The following AGBL1 variants were observed in gnomAD, a reference collection of about 807,000 sequenced individuals.
AGBL1 encodes AGBL carboxypeptidase 1.
Under a neutral mutation model 118.9 loss-of-function variants are expected in AGBL1, and 130 were observed. The ratio of observed to expected loss-of-function variants is 1.09; its 90% CI spans 0.95 to 1.26. The LOEUF (loss-of-function observed/expected upper bound fraction) is 1.26. Among genes scored for constraint, AGBL1 ranks in the 50% most tolerant of loss-of-function variants. The pLI, the probability that AGBL1 is intolerant of heterozygous loss-of-function variation, is 0.00. For missense variants in AGBL1, 1,584 were observed against 1,298.1 expected (o/e 1.22, Z -3.38); for synonymous variants, 555 against 478.9 (o/e 1.16, Z -2.08).
intron 18 of AGBL1, among the ~76,000 whole-genome samples, chr15:86,431,925 AC>A (rs2081940388): frequency 6.6e-6 from 1 of 152,152 alleles, no homozygotes; most frequent in South Asian, 2.1e-4. Flanking sequence ...CCCCAGGGCT[AC>A]TGGGCTGTGT....
At chr15:86,363,367 G>A (rs1053529147) in intron 17 of AGBL1, among the ~76,000 whole-genome samples, 1 of 152,012 alleles carries the variant, frequency 6.6e-6, no homozygotes, top group African/African-American at 2.4e-5. Flanking sequence ...CATATTCTTT[G>A]TAACTTTCTG....
rs76412038 is a variant in AGBL1, at chr15:86,891,618, A to G, written c.3159-15469A>G. ...CAAGCAAGGGAGTGGGTATCTTTTG[A>G]ATGCTGAAACAATAGTAGCTTGAGC... On this transcript the variant is annotated intron_variant, in intron 22 of 22. Transcript: ENST00000614907. 4.3e-3 allele frequency among the ~76,000 whole-genome samples: 647 copies of G among 151,786 alleles called. 6 individuals carry two copies. Among genetic ancestry groups the G allele is most frequent in the African/African-American group, 0.015 (608 of 41,490 alleles).
chr15:86,436,905 T>G lies in AGBL1; in HGVS notation c.2555+39359T>G, dbSNP rs553383373. Among the ~76,000 whole-genome samples, 21 of 152,218 alleles carry G rather than the reference T, an allele frequency of 1.4e-4. No individual in the cohort carries two copies. In the South Asian group the frequency reaches 4.1e-3, roughly 30 times the overall value. Reference sequence around the variant, plus strand: ...TAATCACCAAAGTTGGGCCTTCTAGTATGTTTCAAGACTCTGTAACTCACC... The same window carrying G: ...TAATCACCAAAGTTGGGCCTTCTAGGATGTTTCAAGACTCTGTAACTCACC... On this transcript the variant is annotated intron_variant, in intron 18 of 22. Coordinates refer to ENST00000614907, the MANE Select transcript of AGBL1 (RefSeq NM_001386094.1).
At chr15:86,694,086 T>C (rs1050865079) in intron 22 of AGBL1, among the ~76,000 whole-genome samples, 2 of 152,092 alleles carry the variant, frequency 1.3e-5, no homozygotes, top group South Asian at 2.1e-4. Context: ...AGGCTCTTTT[T>C]TGGTTCCATA....
At chr15:86,536,860 G>GGCT (rs1299085305) in intron 19 of AGBL1, among the ~76,000 whole-genome samples, 1 of 152,168 alleles carries the variant, frequency 6.6e-6, no homozygotes, top group Non-Finnish European at 1.5e-5. Context: ...TTTGCCATAA[G>GGCT]GCTGCTCTCC....
intron 18 of AGBL1, among the ~76,000 whole-genome samples, chr15:86,421,788 A>C (rs905936658): frequency 1.3e-5 from 2 of 152,206 alleles, no homozygotes; most frequent in Non-Finnish European, 2.9e-5. Context: ...GAAAAAAAGC[A>C]GGGGTTGCAA....
In AGBL1 at chr15:86,339,711, G is replaced by A. The variant is rs1319784274; in HGVS notation, c.2374+44303G>A. ...CGGCCGGGCGCAGTGGCTCATGCCT[G>A]TAATCCCAGCACTTTGGGAGGCCGA... On this transcript the variant is annotated intron_variant, in intron 17 of 22. Coordinates refer to ENST00000614907, the MANE Select transcript of AGBL1 (RefSeq NM_001386094.1). Among the ~76,000 whole-genome samples, 5 of 152,150 alleles carry A rather than the reference G, an allele frequency of 3.3e-5. No individual in the cohort carries two copies. The South Asian group carries it at 6.2e-4, about 19-fold the overall frequency.
intron 21 of AGBL1, among the ~76,000 whole-genome samples, chr15:86,637,221 G>GA (rs1351112472): frequency 2.6e-5 from 4 of 152,066 alleles, no homozygotes; most frequent in Non-Finnish European, 5.9e-5. Context: ...GATGTGTTAA[G>GA]AAAAAATAGA....
chr15:86,750,755 C>G (rs908982064), intron 22 of AGBL1, among the ~76,000 whole-genome samples: 20 of 151,768 alleles, frequency 1.3e-4, no homozygotes, highest in African/African-American at 4.6e-4. Context: ...AGCCTAGTAC[C>G]TCTTAGTTAT....
At chr15:86,781,537 GT>G (rs1334081310) in intron 22 of AGBL1, among the ~76,000 whole-genome samples, 1 of 152,064 alleles carries the variant, frequency 6.6e-6, no homozygotes, top group African/African-American at 2.4e-5. Flanking sequence ...CTTAGAGATC[GT>G]TTTAAGACAC....
At chr15:86,853,943 A>T (rs1422717097) in intron 22 of AGBL1, among the ~76,000 whole-genome samples, 6 of 152,192 alleles carry the variant, frequency 3.9e-5, no homozygotes, top group Admixed American at 1.3e-4. Context: ...AAGGTCAAAG[A>T]AAATATTGCA....
Position 86,644,185 on chromosome 15 carries a change from A to G in AGBL1, c.2995-30088A>G, listed in dbSNP as rs182198214. 1.1e-4 allele frequency among the ~76,000 whole-genome samples: 17 copies of G among 152,332 alleles called. No individual in the cohort carries two copies. In the East Asian group the frequency reaches 3.3e-3, roughly 29 times the overall value. On this transcript the variant is annotated intron_variant, in intron 21 of 22. Transcript: ENST00000614907. The stretch of plus-strand genomic sequence containing the variant: ...TATTATATTGTGAAAGTAGGGAATT[A>G]AAGCAATTCCAATTATATTTATCTC...
intron 22 of AGBL1, among the ~76,000 whole-genome samples, chr15:86,851,372 T>C (rs1271779466): frequency 1.3e-5 from 2 of 152,076 alleles, no homozygotes; most frequent in African/African-American, 4.8e-5. Flanking sequence ...AGGAGGGGGC[T>C]TTAAACAGTT....
chr15:86,725,157 A>C (rs1172845494), intron 22 of AGBL1, among the ~76,000 whole-genome samples: 7 of 152,244 alleles, frequency 4.6e-5, no homozygotes, highest in Non-Finnish European at 4.4e-5. Flanking sequence ...AATAATAGCT[A>C]TTATTACATT....
At chr15:86,328,812 G>A (rs543268483) in intron 17 of AGBL1, among the ~76,000 whole-genome samples, 1 of 152,322 alleles carries the variant, frequency 6.6e-6, no homozygotes, top group Non-Finnish European at 1.5e-5. Context: ...AAGACACTAT[G>A]AGGGAAAGAC....
chr15:86,815,209 G>A (rs1047414694), intron 22 of AGBL1, among the ~76,000 whole-genome samples: 1 of 152,096 alleles, frequency 6.6e-6, no homozygotes. Context: ...CTCAGCAGAG[G>A]TTCCAAAAAT....
chr15:86,263,662 A>T (rs981469929), intron 10 of AGBL1, among the ~76,000 whole-genome samples: 1 of 152,214 alleles, frequency 6.6e-6, no homozygotes, highest in African/African-American at 2.4e-5. Context: ...CAAATTGGGA[A>T]CATTAGACCT....
At chr15:86,489,669 G>A (rs913642728) in intron 18 of AGBL1, among the ~76,000 whole-genome samples, 18 of 152,202 alleles carry the variant, frequency 1.2e-4, no homozygotes, top group African/African-American at 4.1e-4. Context: ...ACTTGTTCAT[G>A]TTGCTGCTTT....
At chr15:86,712,300 GTCTC>G (rs769868507) in intron 22 of AGBL1, among the ~76,000 whole-genome samples, 9 of 151,664 alleles carry the variant, frequency 5.9e-5, no homozygotes, top group South Asian at 4.2e-4. Flanking sequence ...AGCATAAATT[GTCTC>G]TCTATTATGT....
Sources: allele counts gnomAD v4.1 joint callset (sites outside exome capture counted in the v4.1 genomes callset), GRCh38; gene constraint gnomAD v4.1.1; transcripts MANE v1.5; gene names NCBI Gene and HGNC (gene_info 2026-07-23, HGNC 2026-07-21).